ODF2: variants seen among roughly 807,000 people sequenced by gnomAD.
ODF2 encodes outer dense fiber protein 2.
Under a neutral mutation model 110.2 loss-of-function variants are expected in ODF2, and 47 were observed. The ratio of observed to expected loss-of-function variants is 0.43; its 90% CI spans 0.34 to 0.54. ODF2 has a LOEUF of 0.54. Among genes scored for constraint, ODF2 ranks in the 20% least tolerant of loss-of-function variants. The pLI is 0.03. For synonymous variants in ODF2, 352 were observed against 397.7 expected (o/e 0.89, Z 1.37); for missense variants, 812 against 1,054.5 (o/e 0.77, Z 3.19).
chr9:128,457,498 A>G, intron 2 of ODF2: 1 of 1,514,582 alleles, frequency 6.6e-7, no homozygotes, highest in Non-Finnish European at 8.8e-7. Context: ...AGGGGTCCCC[A>G]GGGCAGGCTC....
At chr9:128,464,584 C>T (rs1837364340) in intron 4 of ODF2, among the ~76,000 whole-genome samples, 1 of 152,002 alleles carries the variant, frequency 6.6e-6, no homozygotes, top group Non-Finnish European at 1.5e-5. Flanking sequence ...ACTGCAACCT[C>T]CACCTCCCAG....
intron 16 of ODF2, 42 bp downstream of exon 16, chr9:128,492,847 A>G (rs185029976): frequency 3.3e-6 from 5 of 1,520,458 alleles, no homozygotes; most frequent in Non-Finnish European, 3.6e-6. Context: ...ACCCAATTCC[A>G]TATCTAACTC....
intron 7 of ODF2, 53 bp from the exon 8 acceptor site, chr9:128,473,557 C>T: frequency 6.2e-7 from 1 of 1,605,002 alleles, no homozygotes; most frequent in Non-Finnish European, 8.5e-7. Flanking sequence ...CCCATGGGGC[C>T]TGCTTCTTCC....
At chr9:128,483,401 C>T (rs1842787433) in intron 10 of ODF2, among the ~76,000 whole-genome samples, 1 of 151,386 alleles carries the variant, frequency 6.6e-6, no homozygotes, top group African/African-American at 2.4e-5. Context: ...AGGGAGACCC[C>T]ATCTCTACAA....
chr9:128,500,167 A>T, exon 21 of ODF2: 1 of 1,614,180 alleles, frequency 6.2e-7, no homozygotes, highest in Non-Finnish European at 8.5e-7. Flanking sequence ...CAGTTCCTCA[A>T]ATCATCATAC....
upstream of ODF2, among the ~76,000 whole-genome samples, chr9:128,455,741 G>A (rs748753156): frequency 5.9e-5 from 9 of 152,108 alleles, no homozygotes; most frequent in Non-Finnish European, 1.5e-5. Flanking sequence ...CTAGGGGCAG[G>A]GCTGGATTTT....
Position 128,471,294 on chromosome 9 carries a change from G to T in ODF2, c.421-14G>T. The T allele has an allele frequency of 6.3e-7, 1 of 1,591,850 alleles. No homozygotes were observed. The highest frequency in any genetic ancestry group is 8.5e-7 in the Non-Finnish European group (1 of 1,171,990). Reference sequence around the variant, plus strand: ...CCTCCCTTCAGTGGCCCCTGCCTGGGTCCCCCTGCTCAGGTCAAGATGCAA... The same window carrying T: ...CCTCCCTTCAGTGGCCCCTGCCTGGTTCCCCCTGCTCAGGTCAAGATGCAA... On this transcript the variant is annotated splice_polypyrimidine_tract_variant and intron_variant, in intron 5 of 20. Transcript: ENST00000604420.
At chr9:128,488,733 C>G (rs536836756) in intron 14 of ODF2, among the ~76,000 whole-genome samples, 1 of 151,890 alleles carries the variant, frequency 6.6e-6, no homozygotes, top group Non-Finnish European at 1.5e-5. Flanking sequence ...AATAAGGGGC[C>G]GGGCTCACGT....
In ODF2 at chr9:128,473,067, A is replaced by C. The variant is rs1022916196; in HGVS notation, c.711+25A>C. 2.5e-6 allele frequency: 4 copies of C among 1,613,594 alleles called. No homozygotes were observed. In the African/African-American group the frequency reaches 5.3e-5, roughly 22 times the overall value. Reference sequence around the variant, plus strand: ...AGTAGGTGGCAGGTGGCAGGACCCCAGCCATGGAACTGGCCTCGGGAGGGG... The same window carrying C: ...AGTAGGTGGCAGGTGGCAGGACCCCCGCCATGGAACTGGCCTCGGGAGGGG... On this transcript the variant is annotated intron_variant, in intron 7 of 20. Transcript: ENST00000604420.
chr9:128,456,481 CTT>C, intron 1 of ODF2: 35 of 1,525,662 alleles, frequency 2.3e-5, no homozygotes, highest in Non-Finnish European at 3.1e-5. Context: ...TCCTTCCTCT[CTT>C]GGCTACCACG....
At chr9:128,457,431 C>T (rs1443971220) in exon 2 of ODF2, 1 of 1,611,188 alleles carries the variant, frequency 6.2e-7, no homozygotes. Flanking sequence ...TCAGGCGGCT[C>T]CCCCAGGTAT....
chr9:128,461,941 C>T (rs1003934827), intron 4 of ODF2, among the ~76,000 whole-genome samples: 14 of 152,068 alleles, frequency 9.2e-5, no homozygotes, highest in Non-Finnish European at 1.5e-4. Context: ...CTGCTCTGAC[C>T]AGTACAATAA....
intron 15 of ODF2, 60 bp from the exon 16 acceptor site, chr9:128,492,641 G>T: frequency 6.4e-7 from 1 of 1,568,278 alleles, no homozygotes; most frequent in Non-Finnish European, 8.8e-7. Context: ...GGGTATGGAA[G>T]ATGGTTTTCA....
intron 3 of ODF2, 182 bp from the exon 3 acceptor site, chr9:128,460,368 A>C: frequency 7.0e-7 from 1 of 1,430,884 alleles, no homozygotes; most frequent in Middle Eastern, 1.9e-4. Flanking sequence ...GGATCTCTGC[A>C]GGAGCCTGCT....
At chr9:128,490,393 C>T (rs539616811) in intron 14 of ODF2, among the ~76,000 whole-genome samples, 13 of 152,134 alleles carry the variant, frequency 8.5e-5, no homozygotes, top group African/African-American at 2.9e-4. Flanking sequence ...AGTGATTCTC[C>T]TGCCTCAGCC....
intron 4 of ODF2, among the ~76,000 whole-genome samples, chr9:128,467,519 C>T (rs1422546251): frequency 2.0e-5 from 3 of 151,886 alleles, no homozygotes; most frequent in African/African-American, 7.2e-5. Context: ...CCAAGACGGG[C>T]TTATCACCTG....
chr9:128,457,447 A>C, intron 2 of ODF2: 1 of 1,608,168 alleles, frequency 6.2e-7, no homozygotes, highest in Non-Finnish European at 8.5e-7. Context: ...GGTATTGCCG[A>C]TGTGGGAGGC....
chr9:128,460,924 GT>G lies in ODF2; in HGVS notation c.124-15del. 1.9e-6 allele frequency: 3 copies of G among 1,614,160 alleles called. No homozygotes were observed. The highest frequency in any genetic ancestry group is 2.2e-5 in the South Asian group (2 of 91,082). ...CAGCTGGGTGTGGAAGTGACCCTGG[GT>G]TTGTCCCTTTCCACAGAAATCTCAC... is the stretch of plus-strand genomic sequence containing the variant. On this transcript the variant is annotated splice_polypyrimidine_tract_variant and intron_variant, in intron 3 of 20. Coordinates refer to ENST00000604420, the Ensembl canonical transcript of ODF2.
chr9:128,483,845 C>T (rs1282314172), intron 10 of ODF2, 93 bp from the exon 11 acceptor site: 1 of 851,714 alleles, frequency 1.2e-6, no homozygotes, highest in African/African-American at 1.7e-5. Context: ...GAGATTGCGC[C>T]ACTGCACTCC....
Sources: gnomAD v4.1 joint callset for allele counts (sites outside exome capture counted in the v4.1 genomes callset) on GRCh38, gnomAD v4.1.1 for gene constraint, MANE v1.5 for transcripts, NCBI Gene and HGNC (gene_info 2026-07-23, HGNC 2026-07-21) for gene names.